The following LINGO2 variants were observed in gnomAD, a reference collection of about 807,000 sequenced individuals.
The protein encoded by LINGO2 is leucine-rich repeat and immunoglobulin-like domain-containing nogo receptor-interacting protein 2.
LINGO2 carries 14 observed loss-of-function variants against 30.6 expected under a neutral mutation model. The observed-to-expected ratio is 0.46, with a 90% CI of 0.30 to 0.72. The LOEUF is 0.72. Among genes scored for constraint, LINGO2 ranks in the 30% least tolerant of loss-of-function variants. LINGO2 has a pLI of 0.07. For missense variants in LINGO2, 729 were observed against 751.7 expected (o/e 0.97, Z 0.35); for synonymous variants, 317 against 288.5 (o/e 1.10, Z -1.00).
intron 4 of LINGO2, among the ~76,000 whole-genome samples, chr9:28,220,844 T>C (rs1329490177): frequency 6.6e-6 from 1 of 151,970 alleles, no homozygotes; most frequent in African/African-American, 2.4e-5. Context: ...AACAACCAAG[T>C]AACACCTCCA....
At chr9:29,030,075 G>A in the LINGO2 span, among the ~76,000 whole-genome samples, 1 of 152,022 alleles carries the variant, frequency 6.6e-6, no homozygotes, top group Non-Finnish European at 1.5e-5. Context: ...AAAAGTGAAA[G>A]ATTGCTGGGT....
chr9:28,024,404 A>G (rs1306138372), intron 4 of LINGO2, among the ~76,000 whole-genome samples: 1 of 152,156 alleles, frequency 6.6e-6, no homozygotes, highest in Non-Finnish European at 1.5e-5. Context: ...TGAGCTCATC[A>G]ATTCCAACCA....
At chr9:28,959,612 T>TCTCTCTCTCTCACACACACA in the LINGO2 span, among the ~76,000 whole-genome samples, 26 of 132,226 alleles carry the variant, frequency 2.0e-4, no homozygotes, top group African/African-American at 8.3e-4. Context: ...TCTCTCTCCC[T>TCTCTCTCTCTCACACACACA]CACACACACA....
the LINGO2 span, among the ~76,000 whole-genome samples, chr9:29,020,539 AT>A: frequency 0.15 from 22,562 of 151,514 alleles, 2,045 homozygotes; most frequent in South Asian, 0.2. Flanking sequence ...GGTAAGCCCT[AT>A]TTTTAAGCTT....
At chr9:28,007,925 A>G (rs1035350633) in intron 5 of LINGO2, among the ~76,000 whole-genome samples, 2 of 152,148 alleles carry the variant, frequency 1.3e-5, no homozygotes, top group Non-Finnish European at 1.5e-5. Flanking sequence ...AATGTTCAAA[A>G]AGTTCAGCAG....
At chr9:28,465,504 A>T (rs1275375196) in intron 2 of LINGO2, among the ~76,000 whole-genome samples, 1 of 152,116 alleles carries the variant, frequency 6.6e-6, no homozygotes, top group African/African-American at 2.4e-5. Context: ...GGTTGGGAAA[A>T]CAGGGAAGTG....
intron 5 of LINGO2, among the ~76,000 whole-genome samples, chr9:28,005,711 A>G (rs562898943): frequency 3.3e-5 from 5 of 152,222 alleles, no homozygotes; most frequent in African/African-American, 9.6e-5. Context: ...AAAAATGGCA[A>G]TGAATTTATT....
At chr9:28,892,981 A>C in the LINGO2 span, among the ~76,000 whole-genome samples, 1 of 152,100 alleles carries the variant, frequency 6.6e-6, no homozygotes, top group African/African-American at 2.4e-5. Flanking sequence ...CAGATACTAT[A>C]AGAAATGTTT....
intron 4 of LINGO2, among the ~76,000 whole-genome samples, chr9:28,197,668 A>T (rs1306165979): frequency 6.6e-6 from 1 of 152,026 alleles, no homozygotes; most frequent in Non-Finnish European, 1.5e-5. Flanking sequence ...GGTTTTTCTA[A>T]GTATAATACT....
chr9:28,054,055 G>A (rs1289499539), intron 4 of LINGO2, among the ~76,000 whole-genome samples: 1 of 147,692 alleles, frequency 6.8e-6, no homozygotes, highest in Non-Finnish European at 1.5e-5. Flanking sequence ...TTGCAGCCCA[G>A]CTAGCAGACA....
the LINGO2 span, among the ~76,000 whole-genome samples, chr9:29,040,280 G>T: frequency 2.8e-4 from 42 of 151,946 alleles, no homozygotes; most frequent in East Asian, 6.4e-3. Context: ...TAGCATAAAG[G>T]TAAAATATAA....
At chr9:28,586,092 T>G (rs190034681) in intron 1 of LINGO2, among the ~76,000 whole-genome samples, 2 of 151,978 alleles carry the variant, frequency 1.3e-5, no homozygotes, top group African/African-American at 4.8e-5. Flanking sequence ...CATGATAAAG[T>G]CTGTTTTAGA....
chr9:28,180,310 T>C (rs1788078678), intron 4 of LINGO2, among the ~76,000 whole-genome samples: 1 of 152,194 alleles, frequency 6.6e-6, no homozygotes, highest in Non-Finnish European at 1.5e-5. Flanking sequence ...TCAGCAGTAC[T>C]GTACTAGAGC....
chr9:29,024,609 A>G, the LINGO2 span, among the ~76,000 whole-genome samples: 1 of 152,232 alleles, frequency 6.6e-6, no homozygotes, highest in East Asian at 1.9e-4. Flanking sequence ...ACAGAACCTC[A>G]ACTTTAGAAA....
the LINGO2 span, among the ~76,000 whole-genome samples, chr9:28,893,354 C>T: frequency 6.6e-6 from 1 of 152,004 alleles, no homozygotes; most frequent in African/African-American, 2.4e-5. Flanking sequence ...CCATCAATGA[C>T]TAGTTCCCCC....
At chr9:28,918,193 T>C in the LINGO2 span, among the ~76,000 whole-genome samples, 1 of 152,114 alleles carries the variant, frequency 6.6e-6, no homozygotes, top group African/African-American at 2.4e-5. Flanking sequence ...TGAAGGGCAC[T>C]TCTTACATGG....
chr9:28,848,363 T>C, the LINGO2 span, among the ~76,000 whole-genome samples: 1 of 74,676 alleles, frequency 1.3e-5, no homozygotes, highest in East Asian at 6.9e-4. Flanking sequence ...TACACATATA[T>C]TGTGTGTGTG....
chr9:28,334,853 C>T (rs181006653), intron 3 of LINGO2, among the ~76,000 whole-genome samples: 139 of 152,152 alleles, frequency 9.1e-4, no homozygotes, highest in African/African-American at 3.2e-3. Context: ...AGAGGATTCC[C>T]GGAGGCCTTG....
chr9:29,171,964 G>C, the LINGO2 span, among the ~76,000 whole-genome samples: 1 of 151,702 alleles, frequency 6.6e-6, no homozygotes, highest in Non-Finnish European at 1.5e-5. Flanking sequence ...GTATAAGCAA[G>C]CTCATTTTCC....
Sources: allele counts gnomAD v4.1 joint callset (sites outside exome capture counted in the v4.1 genomes callset), GRCh38; gene constraint gnomAD v4.1.1; transcripts MANE v1.5; gene names NCBI Gene and HGNC (gene_info 2026-07-23, HGNC 2026-07-21).